Variants in ERC2 observed in about 807,000 individuals in gnomAD.
The protein encoded by ERC2 is ELKS/RAB6-interacting/CAST family member 2, also known as ERC protein 2.
ERC2 carries 42 observed loss-of-function variants against 114.8 expected under a neutral mutation model. That is an observed-to-expected ratio of 0.37 (90% confidence interval 0.29 to 0.47). The LOEUF (loss-of-function observed/expected upper bound fraction) is 0.47. Ranked by LOEUF, ERC2 falls within the 20% of genes least tolerant of loss-of-function variation. The pLI, the probability that ERC2 is intolerant of heterozygous loss-of-function variation, is 0.99. For synonymous variants in ERC2, 454 were observed against 425.5 expected (o/e 1.07, Z -0.82); for missense variants, 939 against 1,150.7 (o/e 0.82, Z 2.66).
At chr3:56,380,528 C>T (rs1321901831) in intron 2 of ERC2, among the ~76,000 whole-genome samples, 4 of 151,920 alleles carry the variant, frequency 2.6e-5, no homozygotes. Context: ...TCTATTTGGA[C>T]CCACGTTTTC....
intron 2 of ERC2, among the ~76,000 whole-genome samples, chr3:56,352,226 A>G (rs1463950837): frequency 6.6e-6 from 1 of 152,232 alleles, no homozygotes; most frequent in Non-Finnish European, 1.5e-5. Context: ...AGGTCAAGAG[A>G]CTACTGTATT....
At position 55,857,010 on chromosome 3, in the gene ERC2, G is replaced by A. The variant is rs1230831438; in HGVS notation, c.2564+31379C>T. On this transcript the variant is annotated intron_variant, in intron 14 of 17. Transcript: ENST00000288221. ...AGATTAGTAGTTGCCAGAGACTAAG[G>A]AAAAGGGGTAATAGACAGTAATTGC... 2.0e-5 allele frequency among the ~76,000 whole-genome samples: 3 copies of A among 151,100 alleles called. No homozygotes were observed. The East Asian group carries it at 5.9e-4, about 30-fold the overall frequency.
At chr3:55,610,056 A>C (rs200117803) in intron 17 of ERC2, among the ~76,000 whole-genome samples, 9 of 109,202 alleles carry the variant, frequency 8.2e-5, no homozygotes, top group African/African-American at 1.6e-4. Context: ...AAAACAAACA[A>C]ACACAAACAA....
chr3:56,289,184 C>T (rs1166536370), intron 3 of ERC2, among the ~76,000 whole-genome samples: 1 of 152,128 alleles, frequency 6.6e-6, no homozygotes, highest in Non-Finnish European at 1.5e-5. Context: ...CTGCCCACTG[C>T]TGTACCATAT....
intron 17 of ERC2, among the ~76,000 whole-genome samples, chr3:55,683,332 G>C (rs2148776217): frequency 6.6e-6 from 1 of 152,258 alleles, no homozygotes; most frequent in Non-Finnish European, 1.5e-5. Context: ...GCTCCATGAA[G>C]ATACATATTT....
intron 14 of ERC2, among the ~76,000 whole-genome samples, chr3:55,750,199 G>T (rs1027047928): frequency 6.6e-6 from 1 of 152,058 alleles, no homozygotes; most frequent in Non-Finnish European, 1.5e-5. Flanking sequence ...TAAAATAAAA[G>T]ATAAATAATA....
At position 55,856,487 on chromosome 3, in the gene ERC2, A is replaced by T. The variant is rs142124354; in HGVS notation, c.2564+31902T>A. Among the ~76,000 whole-genome samples the T allele has an allele frequency of 3.6e-3, 541 of 150,264 alleles. 4 individuals carry two copies. Among genetic ancestry groups the T allele is most frequent in the Non-Finnish European group, 5.0e-3 (337 of 67,664 alleles). ...CCAGAGCTTTGATTACATAAAGAAG[A>T]CTACAGACAATGAAAAAATAAACAA... On this transcript the variant is annotated intron_variant, in intron 14 of 17. Transcript: ENST00000288221.
At chr3:56,154,056 T>A (rs998585961) in intron 4 of ERC2, among the ~76,000 whole-genome samples, 4 of 152,164 alleles carry the variant, frequency 2.6e-5, no homozygotes, top group Admixed American at 6.5e-5. Context: ...CCACAGAGGC[T>A]CTTAACAGCT....
At chr3:55,918,387 T>G (rs1379725) in intron 13 of ERC2, among the ~76,000 whole-genome samples, 108,310 of 151,944 alleles carry the variant, frequency 0.71, 38,823 homozygotes, top group Admixed American at 0.77. Context: ...TTCTTAACAA[T>G]AAATTGGTGC....
At position 55,675,967 on chromosome 3, in the gene ERC2, C is replaced by A. The variant is rs553016234; in HGVS notation, c.*39+7827G>T. Among the ~76,000 whole-genome samples the A allele has an allele frequency of 6.2e-5, 7 of 112,608 alleles. No homozygotes were observed. The Admixed American group carries it at 9.4e-4, about 15-fold the overall frequency. 73.9% of individuals were successfully genotyped at this position (112,608 alleles called of 152,430 possible). A position where few individuals can be genotyped will look rare whatever the true frequency, so the allele number is the denominator to read the frequency against. ...GAGAGTTTCGCTCTTGTCGTCCAGA[C>A]TGGAGTGCAATGGCACGGTCTCTGC... is the stretch of plus-strand genomic sequence containing the variant. On this transcript the variant is annotated intron_variant, in intron 17 of 17. Coordinates refer to ENST00000288221, the MANE Select transcript of ERC2 (RefSeq NM_015576.3).
At chr3:56,461,687 A>G (rs1559534152) in intron 1 of ERC2, among the ~76,000 whole-genome samples, 1 of 152,240 alleles carries the variant, frequency 6.6e-6, no homozygotes, top group East Asian at 1.9e-4. Context: ...GATTCACATA[A>G]TCATGAACCA....
At chr3:55,573,046 G>T (rs1428208805) in intron 17 of ERC2, among the ~76,000 whole-genome samples, 1 of 152,106 alleles carries the variant, frequency 6.6e-6, no homozygotes, top group Non-Finnish European at 1.5e-5. Flanking sequence ...AGGTTTGACC[G>T]CAAAACACCA....
intron 3 of ERC2, among the ~76,000 whole-genome samples, chr3:56,257,510 A>G (rs1462645229): frequency 6.6e-6 from 1 of 152,164 alleles, no homozygotes; most frequent in African/African-American, 2.4e-5. Context: ...AGCAGCTCAT[A>G]TTTCACTGAA....
At chr3:55,869,715 T>C (rs1575940613) in intron 14 of ERC2, among the ~76,000 whole-genome samples, 1 of 152,224 alleles carries the variant, frequency 6.6e-6, no homozygotes, top group Middle Eastern at 3.4e-3. Context: ...TCCCACCAAC[T>C]TCCTTATTAG....
At chr3:55,607,920 C>T (rs949032106) in intron 17 of ERC2, 1 of 152,164 alleles carries the variant, frequency 6.6e-6, no homozygotes, top group African/African-American at 2.4e-5. Flanking sequence ...ATACCTCCCA[C>T]TTGCCTGATG....
At chr3:56,392,580 T>C (rs2060167620) in intron 2 of ERC2, among the ~76,000 whole-genome samples, 1 of 152,194 alleles carries the variant, frequency 6.6e-6, no homozygotes, top group Admixed American at 6.5e-5. Flanking sequence ...TTGACCATTA[T>C]ACTAGAATGT....
intron 4 of ERC2, among the ~76,000 whole-genome samples, chr3:56,169,010 A>C (rs1455464719): frequency 2.0e-5 from 3 of 152,220 alleles, no homozygotes; most frequent in Non-Finnish European, 4.4e-5. Context: ...AACTCAAGGC[A>C]CACAAGTGCC....
Position 56,434,291 on chromosome 3 carries a change from A to C in ERC2, c.657+60T>G, listed in dbSNP as rs1389552807. 4.1e-5 allele frequency: 62 copies of C among 1,514,484 alleles called. No individual in the cohort carries two copies. The Middle Eastern group carries it at 6.9e-4, about 17-fold the overall frequency. The allele number at this position is 1,514,484 out of a possible 1,614,324, so 93.8% of individuals were successfully genotyped here. A position where few individuals can be genotyped will look rare whatever the true frequency, so the allele number is the denominator to read the frequency against. On this transcript the variant is annotated intron_variant, in intron 2 of 17. Coordinates refer to ENST00000288221, the MANE Select transcript of ERC2 (RefSeq NM_015576.3). ...GCACAGGTCGTGGTACCATCTGCAA[A>C]GCATCAACTACTCAGTGAGAAGCCA...
intron 2 of ERC2, among the ~76,000 whole-genome samples, chr3:56,373,763 T>C (rs2059435934): frequency 6.6e-6 from 1 of 150,436 alleles, no homozygotes; most frequent in Non-Finnish European, 1.5e-5. Context: ...TGAACTTTAA[T>C]TATTTTTTAT....
Sources: gnomAD v4.1 joint callset for allele counts (sites outside exome capture counted in the v4.1 genomes callset) on GRCh38, gnomAD v4.1.1 for gene constraint, MANE v1.5 for transcripts, NCBI Gene and HGNC (gene_info 2026-07-23, HGNC 2026-07-21) for gene names.